The following DGCR2 variants were observed in gnomAD, a reference collection of about 807,000 sequenced individuals.
DGCR2 encodes integral membrane protein DGCR2/IDD.
A neutral mutation model predicts 51.6 loss-of-function variants in DGCR2; 24 were observed. That is an observed-to-expected ratio of 0.47 (90% CI 0.34 to 0.65). The LOEUF is 0.65. DGCR2 is among the 30% of genes least tolerant of loss of function. DGCR2 has a pLI of 0.01. For missense variants in DGCR2, 765 were observed against 772.1 expected (o/e 0.99, Z 0.11); for synonymous variants, 340 against 315.4 (o/e 1.08, Z -0.82).
intron 1 of DGCR2, among the ~76,000 whole-genome samples, chr22:19,113,959 T>C (rs1324358588): frequency 6.6e-6 from 1 of 150,662 alleles, no homozygotes; most frequent in Non-Finnish European, 1.5e-5. Context: ...CTTGGGAGGT[T>C]GAGGCAGCAT....
At chr22:19,042,500 C>T (rs369870363) in intron 7 of DGCR2, among the ~76,000 whole-genome samples, 8 of 152,220 alleles carry the variant, frequency 5.3e-5, no homozygotes, top group East Asian at 1.9e-4. Context: ...TGGTAGGAGG[C>T]CAGGGTTGGC....
intron 4 of DGCR2, among the ~76,000 whole-genome samples, chr22:19,064,171 C>G (rs1405026792): frequency 5.9e-5 from 9 of 152,352 alleles, no homozygotes; most frequent in Non-Finnish European, 2.9e-5. Context: ...TGGCAGGAGC[C>G]CAGGGATGGC....
Position 19,048,443 on chromosome 22 carries a change from G to C in DGCR2, c.1003C>G (p.Pro335Ala), listed in dbSNP as rs1189349958. ...KECCKFMCLD[P>A]DGNSLFDSMA... Reference sequence around the variant, plus strand: ...GACGTCCTATCAAGAGTCTCACCTGGGTCCAGACACATGAACTTGCAGCAC... The same window carrying C: ...GACGTCCTATCAAGAGTCTCACCTGCGTCCAGACACATGAACTTGCAGCAC... Residue 335 changes from proline (P) to alanine (A), a missense_variant, in exon 7 of 10, where the codon CCA becomes GCA. This residue lies in a region of DGCR2 where 190 missense variants were observed against 265.2 expected (regional missense o/e 0.72). Coordinates refer to ENST00000263196, the MANE Select transcript of DGCR2 (RefSeq NM_005137.3). 3.7e-6 allele frequency: 6 copies of C among 1,614,034 alleles called. No individual in the cohort carries two copies. The African/African-American group carries it at 8.0e-5, about 22-fold the overall frequency.
chr22:19,093,274 C>A (rs1480212032), intron 1 of DGCR2, among the ~76,000 whole-genome samples: 2 of 151,120 alleles, frequency 1.3e-5, no homozygotes, highest in African/African-American at 4.9e-5. Flanking sequence ...GCAGGAGAAT[C>A]GCTTGAATCT....
intron 6 of DGCR2, chr22:19,056,465 C>T: frequency 1.8e-6 from 1 of 547,976 alleles, no homozygotes; most frequent in South Asian, 1.9e-5. Context: ...AAGCCAGAAG[C>T]CTGTGATGGT....
intron 4 of DGCR2, among the ~76,000 whole-genome samples, chr22:19,063,513 A>ATTTAT (rs1466390798): frequency 7.5e-6 from 1 of 132,984 alleles, no homozygotes; most frequent in Admixed American, 7.5e-5. Flanking sequence ...TAATTTTTGT[A>ATTTAT]TTTTTTTTTT....
chr22:19,075,672 G>C (rs910854751), intron 2 of DGCR2, among the ~76,000 whole-genome samples: 1 of 152,124 alleles, frequency 6.6e-6, no homozygotes, highest in Non-Finnish European at 1.5e-5. Context: ...CATCTAAATG[G>C]AAACATACAG....
chr22:19,070,757 T>C (rs549255265), intron 2 of DGCR2, among the ~76,000 whole-genome samples: 2 of 152,348 alleles, frequency 1.3e-5, no homozygotes, highest in Admixed American at 6.5e-5. Flanking sequence ...CCCTTTCTTT[T>C]TTCCATCATG....
chr22:19,084,810 G>A (rs1330929357), intron 2 of DGCR2, among the ~76,000 whole-genome samples: 1 of 54,794 alleles, frequency 1.8e-5, no homozygotes, highest in Non-Finnish European at 3.1e-5. Context: ...GAAGGAGGTG[G>A]GGGGGCGCCT....
chr22:19,038,435 G>C lies in DGCR2; in HGVS notation c.*430C>G, dbSNP rs1364989077. On this transcript the variant is annotated 3_prime_UTR_variant, in exon 10 of 10. Transcript: ENST00000263196. ...CCCCTCCTGAGGGCGGCCAGCAAGGGGCACTGTGGCAGCTCCCACTGTGCC... is the reference window on the plus strand; with the variant it reads ...CCCCTCCTGAGGGCGGCCAGCAAGGCGCACTGTGGCAGCTCCCACTGTGCC... The C allele has an allele frequency of 1.2e-5, 2 of 171,066 alleles. No homozygotes were observed. Among genetic ancestry groups the C allele is most frequent in the African/African-American group, 4.8e-5 (2 of 41,808 alleles). 10.6% of individuals were successfully genotyped at this position (171,066 alleles called of 1,614,324 possible).
intron 5 of DGCR2, chr22:19,061,553 A>G (rs796513798): frequency 3.3e-5 from 5 of 152,190 alleles, no homozygotes; most frequent in African/African-American, 1.2e-4. Flanking sequence ...AAGCCTCCCA[A>G]CCTAGGACAC....
chr22:19,093,519 T>C (rs1016313127), intron 1 of DGCR2, among the ~76,000 whole-genome samples: 1 of 152,146 alleles, frequency 6.6e-6, no homozygotes, highest in Non-Finnish European at 1.5e-5. Context: ...ATAAAAAAAA[T>C]TGATAAATTG....
At position 19,063,254 on chromosome 22, in the gene DGCR2, A is replaced by C. The variant is rs547955072; in HGVS notation, c.573T>G (p.Val191=). 1.2e-5 allele frequency: 19 copies of C among 1,614,212 alleles called. No individual in the cohort carries two copies. In the South Asian group the frequency reaches 1.9e-4, roughly 16 times the overall value. Residue 191 remains valine, a synonymous_variant, in exon 5 of 10, where the codon GTT becomes GTG. Transcript: ENST00000263196. Reference sequence around the variant, plus strand: ...CCAAGGAGCGGTTCCGGCCAGTGATAACATACTGATAGCCAACCCACAACC... The same window carrying C: ...CCAAGGAGCGGTTCCGGCCAGTGATCACATACTGATAGCCAACCCACAACC... ...QRKLWVGYQY[V]ITGRNRSLEG...
chr22:19,039,227 C>T (rs1407292878), intron 9 of DGCR2, 106 bp from the exon 10 acceptor site: 1 of 1,446,592 alleles, frequency 6.9e-7, no homozygotes, highest in Non-Finnish European at 9.4e-7. Context: ...TGAAGGCCCC[C>T]CTGAAGCTGG....
intron 1 of DGCR2, among the ~76,000 whole-genome samples, chr22:19,115,689 A>G (rs957016958): frequency 1.3e-5 from 2 of 152,246 alleles, no homozygotes; most frequent in African/African-American, 4.8e-5. Flanking sequence ...TGTGACAAAG[A>G]GCAAAACGTG....
At chr22:19,054,113 G>GA (rs1189584427) in intron 6 of DGCR2, among the ~76,000 whole-genome samples, 1 of 152,198 alleles carries the variant, frequency 6.6e-6, no homozygotes, top group African/African-American at 2.4e-5. Context: ...GATAAAACTG[G>GA]AATAATGGAT....
intron 1 of DGCR2, among the ~76,000 whole-genome samples, chr22:19,114,684 G>A (rs1022569351): frequency 6.6e-6 from 1 of 152,158 alleles, no homozygotes; most frequent in Non-Finnish European, 1.5e-5. Context: ...TCCCTGTGTT[G>A]ACCTTCTGGG....
chr22:19,040,664 A>T (rs577188544), intron 9 of DGCR2, among the ~76,000 whole-genome samples: 1 of 152,336 alleles, frequency 6.6e-6, no homozygotes, highest in East Asian at 1.9e-4. Flanking sequence ...TGGTGTCTCT[A>T]GCTCATGTGT....
chr22:19,106,488 A>G (rs2146042518), intron 1 of DGCR2, among the ~76,000 whole-genome samples: 1 of 152,290 alleles, frequency 6.6e-6, no homozygotes, highest in Non-Finnish European at 1.5e-5. Context: ...CCACCAGGCT[A>G]CAGCACCAAC....
Sources: allele counts gnomAD v4.1 joint callset (sites outside exome capture counted in the v4.1 genomes callset), GRCh38; gene constraint gnomAD v4.1.1; regional missense constraint gnomAD v4.1.1; transcripts MANE v1.5; gene names NCBI Gene and HGNC (gene_info 2026-07-23, HGNC 2026-07-21).